Variants in RIN2 observed in about 807,000 individuals in gnomAD.
The protein encoded by RIN2 is RAB5 interacting protein 2.
RIN2 carries 36 observed loss-of-function variants against 78.0 expected under a neutral mutation model. That is an observed-to-expected ratio of 0.46 (90% CI 0.35 to 0.61). RIN2 has a LOEUF of 0.61. Ranked by LOEUF, RIN2 falls within the 20% of genes least tolerant of loss-of-function variation. The pLI is 0.00. For missense variants in RIN2, 1,087 were observed against 1,159.7 expected, an observed-to-expected ratio of 0.94 and a Z score of 0.91; for synonymous variants, 466 against 466.8, an observed-to-expected ratio of 1.00 and a Z score of 0.02.
Position 20,001,172 on chromosome 20 carries a change from G to C in RIN2, c.*236G>C. On this transcript the variant is annotated 3_prime_UTR_variant, in exon 13 of 13. Transcript: ENST00000255006. ...TGGAGAATTGCATCTGATGGTTCAA[G>C]TGTCCTGAGATTGTTTGCTACCTAC... 3 of 517,958 alleles carry C rather than the reference G, an allele frequency of 5.8e-6. No homozygotes were observed. The highest frequency in any genetic ancestry group is 3.1e-5 in the East Asian group (1 of 32,398). 32.1% of individuals were successfully genotyped at this position (517,958 alleles called of 1,614,324 possible).
chr20:19,766,826 T>C (rs147171283), intron 1 of RIN2, among the ~76,000 whole-genome samples: 228 of 151,492 alleles, frequency 1.5e-3, no homozygotes, highest in African/African-American at 5.3e-3. Context: ...GCAAGAGAAT[T>C]GCTTGAACCC....
chr20:19,774,466 G>T (rs2034241246), intron 1 of RIN2, among the ~76,000 whole-genome samples: 1 of 152,230 alleles, frequency 6.6e-6, no homozygotes, highest in African/African-American at 2.4e-5. Flanking sequence ...GTCAGAGATT[G>T]CAGAGAGGAA....
intron 2 of RIN2, among the ~76,000 whole-genome samples, chr20:19,884,866 G>C (rs1215157443): frequency 6.6e-6 from 1 of 152,150 alleles, no homozygotes; most frequent in Non-Finnish European, 1.5e-5. Flanking sequence ...AAGCGACCAG[G>C]CAAAAAAAGT....
At chr20:19,971,905 A>C (rs1379622237) in intron 8 of RIN2, among the ~76,000 whole-genome samples, 1 of 151,794 alleles carries the variant, frequency 6.6e-6, no homozygotes. Context: ...CCACGCCCAG[A>C]TAATGTTTGT....
rs925360232 is a variant in RIN2, at chr20:20,001,078, C to T, written c.*142C>T. 15 of 720,828 alleles carry T rather than the reference C, an allele frequency of 2.1e-5. No homozygotes were observed. The highest frequency in any genetic ancestry group is 1.1e-4 in the South Asian group (5 of 46,672). 44.7% of individuals were successfully genotyped at this position (720,828 alleles called of 1,614,324 possible). ...TGACTAAGCCATCCACAGGCCAACT[C>T]GGCCAAGGGCAACTTTAGCCACGCA... On this transcript the variant is annotated 3_prime_UTR_variant, in exon 13 of 13. Coordinates refer to ENST00000255006, the MANE Select transcript of RIN2 (RefSeq NM_018993.4).
At chr20:19,831,665 CATTT>C (rs566120712) in intron 2 of RIN2, among the ~76,000 whole-genome samples, 272 of 152,272 alleles carry the variant, frequency 1.8e-3, no homozygotes, top group African/African-American at 6.0e-3. Flanking sequence ...TTCCCTGATA[CATTT>C]GAACCCATCG....
At chr20:19,884,815 G>A (rs2038129305) in intron 2 of RIN2, among the ~76,000 whole-genome samples, 1 of 152,120 alleles carries the variant, frequency 6.6e-6, no homozygotes, top group East Asian at 1.9e-4. Context: ...AAAACAAAAA[G>A]CATTAAAAGG....
At chr20:19,851,043 A>AAGG (rs2036956459) in intron 2 of RIN2, among the ~76,000 whole-genome samples, 2 of 81,234 alleles carry the variant, frequency 2.5e-5, no homozygotes, top group African/African-American at 8.5e-5. Flanking sequence ...GGAAGGAAGG[A>AAGG]AGGAAGGAGA....
At chr20:19,997,464 A>T (rs558611705) in intron 12 of RIN2, among the ~76,000 whole-genome samples, 2 of 152,226 alleles carry the variant, frequency 1.3e-5, no homozygotes, top group South Asian at 4.2e-4. Context: ...GGGCTATAGA[A>T]ATCTTTACCC....
chr20:19,974,441 C>T (rs1410584269), intron 8 of RIN2, among the ~76,000 whole-genome samples: 1 of 152,176 alleles, frequency 6.6e-6, no homozygotes, highest in East Asian at 1.9e-4. Context: ...TTGAAGGTGA[C>T]AGACCCCTGG....
chr20:19,799,948 C>T (rs896825749), intron 2 of RIN2, among the ~76,000 whole-genome samples: 18 of 152,272 alleles, frequency 1.2e-4, no homozygotes, highest in African/African-American at 4.1e-4. Flanking sequence ...GGCAGCAGGG[C>T]CACATCAAGA....
At chr20:19,946,410 T>A (rs897144352) in intron 4 of RIN2, among the ~76,000 whole-genome samples, 1 of 152,112 alleles carries the variant, frequency 6.6e-6, no homozygotes, top group Non-Finnish European at 1.5e-5. Flanking sequence ...AGCATGTAGA[T>A]GTATCTACAG....
At chr20:19,937,458 C>T (rs2040694273) in intron 4 of RIN2, among the ~76,000 whole-genome samples, 2 of 152,182 alleles carry the variant, frequency 1.3e-5, no homozygotes, top group Non-Finnish European at 2.9e-5. Context: ...AGGGAGTCGC[C>T]TATCCCACCA....
At chr20:19,808,022 G>A (rs1000842629) in intron 2 of RIN2, among the ~76,000 whole-genome samples, 4 of 152,142 alleles carry the variant, frequency 2.6e-5, no homozygotes, top group South Asian at 2.1e-4. Context: ...GAAGGTCTGC[G>A]GAAGAAACCT....
intron 1 of RIN2, among the ~76,000 whole-genome samples, chr20:19,765,928 G>A (rs760340641): frequency 6.6e-6 from 1 of 152,102 alleles, no homozygotes; most frequent in Non-Finnish European, 1.5e-5. Context: ...ACAGAGGGAG[G>A]GAGGGAAGGA....
chr20:19,858,022 C>T (rs189602635), intron 2 of RIN2, among the ~76,000 whole-genome samples: 5 of 152,184 alleles, frequency 3.3e-5, no homozygotes, highest in Admixed American at 1.3e-4. Context: ...TCTTCTCCTG[C>T]TCTATGTCTT....
chr20:19,800,109 C>T (rs1173467736), intron 2 of RIN2, among the ~76,000 whole-genome samples: 2 of 152,316 alleles, frequency 1.3e-5, no homozygotes, highest in East Asian at 1.9e-4. Flanking sequence ...GCTGTTGCCC[C>T]GTCTGAGGGA....
chr20:19,878,287 G>A (rs1291748087), intron 2 of RIN2, among the ~76,000 whole-genome samples: 1 of 152,118 alleles, frequency 6.6e-6, no homozygotes, highest in Non-Finnish European at 1.5e-5. Flanking sequence ...TGCTTGGCAG[G>A]ATGTCTCCCA....
At chr20:19,846,501 G>T (rs980011225) in intron 2 of RIN2, among the ~76,000 whole-genome samples, 1 of 152,142 alleles carries the variant, frequency 6.6e-6, no homozygotes. Context: ...GTGAATGGGA[G>T]TTCACTCATG....
Sources: gnomAD v4.1 joint callset for allele counts (sites outside exome capture counted in the v4.1 genomes callset) on GRCh38, gnomAD v4.1.1 for gene constraint, MANE v1.5 for transcripts, NCBI Gene and HGNC (gene_info 2026-07-23, HGNC 2026-07-21) for gene names.